Variants in LRFN5 observed in about 807,000 individuals in gnomAD.
The protein encoded by LRFN5 is leucine rich repeat and fibronectin type III domain containing 5, also known as leucine-rich repeat and fibronectin type-III domain-containing protein 5.
A neutral mutation model predicts 45.6 loss-of-function variants in LRFN5; 24 were observed. The observed-to-expected ratio is 0.53, with a 90% CI of 0.38 to 0.74. The LOEUF is 0.74. Among genes scored for constraint, LRFN5 ranks in the 30% least tolerant of loss-of-function variants. The pLI is 0.00. For missense variants in LRFN5, 776 were observed against 861.5 expected (o/e 0.90, Z 1.24); for synonymous variants, 340 against 313.8 (o/e 1.08, Z -0.88).
chr14:41,668,669 C>T (rs777244728), intron 1 of LRFN5, among the ~76,000 whole-genome samples: 4 of 152,132 alleles, frequency 2.6e-5, no homozygotes, highest in Non-Finnish European at 5.9e-5. Context: ...TTCACATCAG[C>T]TTATGTGAGA....
At chr14:41,841,717 G>A (rs1489755854) in intron 2 of LRFN5, among the ~76,000 whole-genome samples, 9 of 151,618 alleles carry the variant, frequency 5.9e-5, no homozygotes, top group Admixed American at 5.9e-4. Context: ...TTTTTTATGA[G>A]TATACTAAGT....
rs150438015 is a variant in LRFN5 at position 41,611,987 on chromosome 14, G to A, written c.-197+3425G>A. ...CTAGTTATGGCATTGGTGTTTAAAT[G>A]ATCTTCATATGTTATATCATGTTTT... On this transcript the variant is annotated intron_variant, in intron 1 of 5. Coordinates refer to ENST00000298119, the MANE Select transcript of LRFN5 (RefSeq NM_152447.5). Among the ~76,000 whole-genome samples, 22 of 152,214 alleles carry A rather than the reference G, an allele frequency of 1.4e-4. No individual in the cohort carries two copies. The East Asian group carries it at 4.1e-3, about 28-fold the overall frequency.
At chr14:41,667,091 C>A (rs1477663270) in intron 1 of LRFN5, among the ~76,000 whole-genome samples, 5 of 151,980 alleles carry the variant, frequency 3.3e-5, no homozygotes, top group African/African-American at 9.7e-5. Context: ...TTTAAGAATT[C>A]GTAATAGTTC....
chr14:41,680,145 G>T (rs1156609820), intron 1 of LRFN5, among the ~76,000 whole-genome samples: 1 of 152,186 alleles, frequency 6.6e-6, no homozygotes, highest in Non-Finnish European at 1.5e-5. Flanking sequence ...CCAGGCTCTG[G>T]ATTCTGGACA....
intron 2 of LRFN5, among the ~76,000 whole-genome samples, chr14:41,819,805 C>T (rs76785348): frequency 0.013 from 1,994 of 152,170 alleles, 45 homozygotes; most frequent in African/African-American, 0.046. Flanking sequence ...TCCACCAGGC[C>T]CCTCCTCCAA....
chr14:41,725,655 A>G (rs777792721), intron 1 of LRFN5, among the ~76,000 whole-genome samples: 6 of 152,178 alleles, frequency 3.9e-5, no homozygotes, highest in Admixed American at 6.5e-5. Context: ...TGCCAGAATT[A>G]CTGTAAATTG....
intron 2 of LRFN5, among the ~76,000 whole-genome samples, chr14:41,859,170 A>G (rs1594472224): frequency 6.6e-6 from 1 of 152,152 alleles, no homozygotes; most frequent in Non-Finnish European, 1.5e-5. Flanking sequence ...ATTCCTGAAA[A>G]TTTAACAGTC....
At chr14:41,896,593 A>G (rs1285111187) in intron 4 of LRFN5, among the ~76,000 whole-genome samples, 1 of 152,194 alleles carries the variant, frequency 6.6e-6, no homozygotes, top group Non-Finnish European at 1.5e-5. Flanking sequence ...TTGAAATGGC[A>G]TTCAGAAAAG....
intron 1 of LRFN5, among the ~76,000 whole-genome samples, chr14:41,728,564 G>A (rs1884033732): frequency 2.0e-5 from 3 of 152,236 alleles, no homozygotes; most frequent in African/African-American, 2.4e-5. Context: ...CTTTGTAAAT[G>A]TTTGTAAATC....
chr14:41,735,104 C>T (rs1266644629), intron 1 of LRFN5, among the ~76,000 whole-genome samples: 4 of 151,896 alleles, frequency 2.6e-5, no homozygotes, highest in East Asian at 1.9e-4. Context: ...GAGTTTTACT[C>T]GACTTATTTT....
chr14:41,770,910 C>T (rs1397618926), intron 2 of LRFN5, among the ~76,000 whole-genome samples: 6 of 151,990 alleles, frequency 3.9e-5, no homozygotes, highest in Non-Finnish European at 7.4e-5. Flanking sequence ...AGGAGCTCCA[C>T]TCTTGTGGCA....
intron 1 of LRFN5, among the ~76,000 whole-genome samples, chr14:41,627,297 C>T (rs1888366882): frequency 6.6e-6 from 1 of 152,088 alleles, no homozygotes. Flanking sequence ...TTAGGAGTCA[C>T]ACACCATTCC....
chr14:41,620,385 T>A (rs868138689), intron 1 of LRFN5, among the ~76,000 whole-genome samples: 68 of 152,070 alleles, frequency 4.5e-4, no homozygotes, highest in Middle Eastern at 3.4e-3. Flanking sequence ...AAAGAAAAAA[T>A]TATGTAAAGT....
chr14:41,735,446 A>AGGGAGAT (rs1401539581), intron 1 of LRFN5, among the ~76,000 whole-genome samples: 2 of 151,782 alleles, frequency 1.3e-5, no homozygotes, highest in Non-Finnish European at 1.5e-5. Flanking sequence ...CTTTACTTTT[A>AGGGAGAT]CTTTTAGCAG....
At chr14:41,755,247 TTGGGG>T (rs1382413460) in intron 1 of LRFN5, among the ~76,000 whole-genome samples, 2 of 152,160 alleles carry the variant, frequency 1.3e-5, no homozygotes, top group African/African-American at 4.8e-5. Flanking sequence ...TTGTGTTGAT[TTGGGG>T]TGGAGAGTTC....
In LRFN5 at chr14:41,654,345, G is replaced by A. The variant is rs943229576; in HGVS notation, c.-197+45783G>A. On this transcript the variant is annotated intron_variant, in intron 1 of 5. Transcript: ENST00000298119. ...TAATAGGATGTGAGCTTTGTTCTCAGAGAAGAGTTCCAGGCAAGAAGTCTG... is the reference window on the plus strand; with the variant it reads ...TAATAGGATGTGAGCTTTGTTCTCAAAGAAGAGTTCCAGGCAAGAAGTCTG... Among the ~76,000 whole-genome samples the A allele has an allele frequency of 2.0e-5, 3 of 152,064 alleles. No homozygotes were observed. The South Asian group carries it at 6.2e-4, about 32-fold the overall frequency.
chr14:41,804,940 T>G (rs1296530021), intron 2 of LRFN5, among the ~76,000 whole-genome samples: 7 of 152,182 alleles, frequency 4.6e-5, no homozygotes, highest in Admixed American at 3.9e-4. Context: ...AGCTCATTAA[T>G]TCTAGAAATT....
At chr14:41,715,993 T>G (rs1883478009) in intron 1 of LRFN5, among the ~76,000 whole-genome samples, 2 of 152,208 alleles carry the variant, frequency 1.3e-5, no homozygotes, top group Non-Finnish European at 2.9e-5. Context: ...ACTCCAGTTC[T>G]TGACTTCTCT....
intron 1 of LRFN5, among the ~76,000 whole-genome samples, chr14:41,678,275 C>CATATACAT (rs1566617471): frequency 6.6e-6 from 1 of 151,176 alleles, no homozygotes. Flanking sequence ...TATACATATA[C>CATATACAT]ATATATATAT....
Sources: allele counts gnomAD v4.1 joint callset (sites outside exome capture counted in the v4.1 genomes callset), GRCh38; gene constraint gnomAD v4.1.1; transcripts MANE v1.5; gene names NCBI Gene and HGNC (gene_info 2026-07-23, HGNC 2026-07-21).